DEUP1: variants seen among roughly 807,000 people sequenced by gnomAD.
DEUP1 encodes the protein deuterosome assembly protein 1.
DEUP1 carries 82 observed loss-of-function variants against 87.4 expected under a neutral mutation model. The ratio of observed to expected loss-of-function variants is 0.94; its 90% CI spans 0.78 to 1.13. The LOEUF is 1.13. DEUP1 is among the 50% of genes most tolerant of loss of function. The pLI is 0.00. For synonymous variants in DEUP1, 214 were observed against 222.7 expected (o/e 0.96, Z 0.35); for missense variants, 663 against 681.5 (o/e 0.97, Z 0.30).
intron 7 of DEUP1, among the ~76,000 whole-genome samples, chr11:93,384,947 G>A (rs1238299641): frequency 6.6e-6 from 1 of 152,228 alleles, no homozygotes; most frequent in Non-Finnish European, 1.5e-5. Flanking sequence ...AAGGAGGCCA[G>A]GCGCAGTGGC....
chr11:93,410,410 T>A (rs545976709), intron 12 of DEUP1, among the ~76,000 whole-genome samples: 6 of 152,132 alleles, frequency 3.9e-5, no homozygotes, highest in African/African-American at 1.4e-4. Flanking sequence ...TCCAAAGGAG[T>A]GTAATCCTGA....
At chr11:93,346,567 T>C (rs1471416561) in intron 2 of DEUP1, among the ~76,000 whole-genome samples, 1 of 152,138 alleles carries the variant, frequency 6.6e-6, no homozygotes, top group African/African-American at 2.4e-5. Context: ...TGTTTTTTTC[T>C]AGTTCCGTGA....
At chr11:93,403,519 T>C (rs2134399018) in intron 11 of DEUP1, among the ~76,000 whole-genome samples, 1 of 151,948 alleles carries the variant, frequency 6.6e-6, no homozygotes, top group African/African-American at 2.4e-5. Context: ...TTCTATATTC[T>C]GTTTATAATT....
intron 2 of DEUP1, among the ~76,000 whole-genome samples, chr11:93,354,328 C>G (rs2134208962): frequency 6.6e-6 from 1 of 152,296 alleles, no homozygotes; most frequent in South Asian, 2.1e-4. Flanking sequence ...ATATCACTAT[C>G]AGCATTTTTG....
Position 93,400,012 on chromosome 11 carries a change from G to T in DEUP1, c.1326+3687G>T, listed in dbSNP as rs192713886. Among the ~76,000 whole-genome samples the T allele has an allele frequency of 5.0e-3, 764 of 152,152 alleles. 3 individuals are homozygous for T. The highest frequency in any genetic ancestry group is 7.9e-3 in the Non-Finnish European group (537 of 67,966). Reference sequence around the variant, plus strand: ...TTACTTAGAGTTGTTATTAAGAATTGCTGCTGGTTTTATCAAATGCCTTTT... The same window carrying T: ...TTACTTAGAGTTGTTATTAAGAATTTCTGCTGGTTTTATCAAATGCCTTTT... On this transcript the variant is annotated intron_variant, in intron 11 of 13. Coordinates refer to ENST00000298050, the MANE Select transcript of DEUP1 (RefSeq NM_181645.4).
At position 93,353,583 on chromosome 11, in the gene DEUP1, G is replaced by A. The variant is rs115089794; in HGVS notation, c.30-1788G>A. 7.8e-3 allele frequency among the ~76,000 whole-genome samples: 1,184 copies of A among 152,328 alleles called. 15 individuals carry two copies. Among genetic ancestry groups the A allele is most frequent in the African/African-American group, 0.027 (1,107 of 41,564 alleles). ...AGGTTCTCTGTGAGGGCCCCGCCCC[G>A]AAGCAAACTTCTGCATGGGCATCCA... On this transcript the variant is annotated intron_variant, in intron 2 of 13. Transcript: ENST00000298050.
chr11:93,437,637 A>G lies in DEUP1; in HGVS notation c.1733A>G (p.Asn578Ser). 1 of 1,610,758 alleles carries G rather than the reference A, an allele frequency of 6.2e-7. No homozygotes were observed. Among genetic ancestry groups the G allele is most frequent in the Non-Finnish European group, 8.5e-7 (1 of 1,177,008 alleles). ...KRAKELEKLL[N>S]THIDELQRHT... ...GCAAAAGAACTTGAAAAACTTCTAA[A>G]TACACATATTGATGAACTGCAAAGA... Residue 578 changes from asparagine to serine, a missense_variant, in exon 14 of 14, where the codon AAT (asparagine) becomes AGT (serine). By Grantham distance (46) the Asn-to-Ser change is conservative. Coordinates refer to ENST00000298050, the MANE Select transcript of DEUP1 (RefSeq NM_181645.4).
chr11:93,427,366 C>T (rs567129809), intron 13 of DEUP1, among the ~76,000 whole-genome samples: 2 of 152,006 alleles, frequency 1.3e-5, no homozygotes, highest in African/African-American at 4.8e-5. Context: ...CAAAAATAAG[C>T]AATGGGGAAA....
At chr11:93,366,303 G>A (rs1945413654) in intron 5 of DEUP1, among the ~76,000 whole-genome samples, 1 of 152,134 alleles carries the variant, frequency 6.6e-6, no homozygotes, top group Non-Finnish European at 1.5e-5. Flanking sequence ...CGTTTTACAG[G>A]TGAAGGTCTC....
At chr11:93,365,645 C>G (rs878999422) in intron 5 of DEUP1, among the ~76,000 whole-genome samples, 3 of 152,184 alleles carry the variant, frequency 2.0e-5, no homozygotes, top group Admixed American at 2.0e-4. Context: ...ATTTAGGAAA[C>G]TAAATATTTA....
chr11:93,351,376 G>C lies in DEUP1; in HGVS notation c.30-3995G>C, dbSNP rs180975475. On this transcript the variant is annotated intron_variant, in intron 2 of 13. Transcript: ENST00000298050. ...TAAAAGAACTCATTCATTCTTTAGAGATTTATTGAGCGTCTACTATGTGCT... is the reference window on the plus strand; with the variant it reads ...TAAAAGAACTCATTCATTCTTTAGACATTTATTGAGCGTCTACTATGTGCT... 2.0e-3 allele frequency among the ~76,000 whole-genome samples: 297 copies of C among 152,286 alleles called. 1 individual carries two copies. Among genetic ancestry groups the C allele is most frequent in the Non-Finnish European group, 3.5e-3 (240 of 68,026 alleles).
chr11:93,350,716 G>A lies in DEUP1; in HGVS notation c.30-4655G>A, dbSNP rs181387686. ...TGTAACCCCAGCACTTTGGGAGGCC[G>A]AAGCGGGAGGATCACCTGAGGTCAG... On this transcript the variant is annotated intron_variant, in intron 2 of 13. Transcript: ENST00000298050. 5.4e-3 allele frequency among the ~76,000 whole-genome samples: 821 copies of A among 151,938 alleles called. 8 individuals are homozygous for A. Among genetic ancestry groups the A allele is most frequent in the African/African-American group, 0.018 (739 of 41,452 alleles).
At chr11:93,349,993 C>A (rs1470364774) in intron 2 of DEUP1, among the ~76,000 whole-genome samples, 1 of 152,088 alleles carries the variant, frequency 6.6e-6, no homozygotes, top group East Asian at 1.9e-4. Flanking sequence ...GACAGAATAA[C>A]TAAAAGTGGG....
chr11:93,431,220 G>C (rs755602812), intron 13 of DEUP1, among the ~76,000 whole-genome samples: 42 of 152,100 alleles, frequency 2.8e-4, no homozygotes, highest in Non-Finnish European at 4.7e-4. Flanking sequence ...AGGTTGAGTA[G>C]CCAGGAAAAT....
In DEUP1 at chr11:93,358,652, C is replaced by T. The variant is rs182259081; in HGVS notation, c.297+1609C>T. ...AGGCTGGAGTGCAGTGGCATGATCTCCCCTCACTGCAACCTCCGCCACCCT... is the reference window on the plus strand; with the variant it reads ...AGGCTGGAGTGCAGTGGCATGATCTTCCCTCACTGCAACCTCCGCCACCCT... On this transcript the variant is annotated intron_variant, in intron 4 of 13. Transcript: ENST00000298050. 1.7e-4 allele frequency among the ~76,000 whole-genome samples: 26 copies of T among 152,220 alleles called. No individual in the cohort carries two copies. The East Asian group carries it at 4.6e-3, about 27-fold the overall frequency.
At chr11:93,416,632 C>A (rs372243773) in intron 13 of DEUP1, among the ~76,000 whole-genome samples, 8 of 151,758 alleles carry the variant, frequency 5.3e-5, no homozygotes, top group Non-Finnish European at 8.8e-5. Flanking sequence ...CCTTCTGAAA[C>A]TATTCCAATC....
intron 13 of DEUP1, among the ~76,000 whole-genome samples, chr11:93,428,709 A>G (rs913457531): frequency 6.6e-6 from 1 of 152,232 alleles, no homozygotes; most frequent in Non-Finnish European, 1.5e-5. Context: ...TAATTTTGAA[A>G]TAACCTTACC....
At chr11:93,366,166 A>G (rs1945405695) in intron 5 of DEUP1, among the ~76,000 whole-genome samples, 1 of 152,176 alleles carries the variant, frequency 6.6e-6, no homozygotes, top group South Asian at 2.1e-4. Context: ...ATATACCAAC[A>G]AAAAAGGGTG....
In DEUP1 at chr11:93,351,549, C is replaced by T. The variant is rs534920908; in HGVS notation, c.30-3822C>T. ...TACAGTACAAGGTGATACATGTTGTCATGAAAAAGAAAAATGGTGTGGAAA... is the reference window on the plus strand; with the variant it reads ...TACAGTACAAGGTGATACATGTTGTTATGAAAAAGAAAAATGGTGTGGAAA... On this transcript the variant is annotated intron_variant, in intron 2 of 13. Coordinates refer to ENST00000298050, the MANE Select transcript of DEUP1 (RefSeq NM_181645.4). Among the ~76,000 whole-genome samples the T allele has an allele frequency of 1.3e-3, 195 of 152,210 alleles. 1 individual carries two copies. The highest frequency in any genetic ancestry group is 4.5e-3 in the African/African-American group (187 of 41,538).
Sources: gnomAD v4.1 joint callset for allele counts (sites outside exome capture counted in the v4.1 genomes callset) on GRCh38, gnomAD v4.1.1 for gene constraint, MANE v1.5 for transcripts, NCBI Gene and HGNC (gene_info 2026-07-23, HGNC 2026-07-21) for gene names.